USH2A: variants seen among roughly 807,000 people sequenced by gnomAD.
The protein encoded by USH2A is Usher syndrome 2A (autosomal recessive, mild).
USH2A carries 443 observed loss-of-function variants against 538.9 expected under a neutral mutation model. That is an observed-to-expected ratio of 0.82 (90% CI 0.76 to 0.89). USH2A has a LOEUF of 0.89. Among genes scored for constraint, USH2A ranks in the 40% least tolerant of loss-of-function variants. The pLI is 0.00. For missense variants in USH2A, 6,633 were observed against 6,324.8 expected, an observed-to-expected ratio of 1.05 and a Z score of -1.65; for synonymous variants, 2,413 against 2,273.5, an observed-to-expected ratio of 1.06 and a Z score of -1.75.
At chr1:215,798,487 A>C (rs1187993603) in intron 50 of USH2A, among the ~76,000 whole-genome samples, 1 of 152,218 alleles carries the variant, frequency 6.6e-6, no homozygotes, top group Non-Finnish European at 1.5e-5. Flanking sequence ...ATATTGGCAC[A>C]GTGTCTGTTA....
At chr1:216,230,705 A>G (rs2102518415) in intron 14 of USH2A, among the ~76,000 whole-genome samples, 2 of 152,216 alleles carry the variant, frequency 1.3e-5, no homozygotes, top group South Asian at 4.2e-4. Context: ...GATAATCACA[A>G]ACCCTGAAAT....
intron 35 of USH2A, among the ~76,000 whole-genome samples, chr1:215,980,768 C>G (rs935913550): frequency 2.0e-5 from 3 of 152,174 alleles, no homozygotes; most frequent in African/African-American, 7.2e-5. Context: ...GTGTTCTATA[C>G]ATGTTTTTGA....
At chr1:216,328,939 T>C (rs1354245941) in intron 4 of USH2A, among the ~76,000 whole-genome samples, 1 of 152,164 alleles carries the variant, frequency 6.6e-6, no homozygotes, top group Admixed American at 6.5e-5. Context: ...TAGTGTATTC[T>C]CAGCTGATGT....
intron 11 of USH2A, among the ~76,000 whole-genome samples, chr1:216,260,548 A>G (rs2036351235): frequency 6.6e-6 from 1 of 152,156 alleles, no homozygotes; most frequent in African/African-American, 2.4e-5. Flanking sequence ...CCTGCAATGC[A>G]CATATCCATC....
intron 37 of USH2A, among the ~76,000 whole-genome samples, chr1:215,953,117 A>T (rs1482897177): frequency 2.0e-5 from 3 of 152,108 alleles, no homozygotes; most frequent in African/African-American, 7.2e-5. Context: ...AAGAATCAAT[A>T]TTGTGAAAAT....
intron 20 of USH2A, among the ~76,000 whole-genome samples, chr1:216,188,182 T>C (rs866381596): frequency 6.6e-6 from 1 of 151,312 alleles, no homozygotes; most frequent in Non-Finnish European, 1.5e-5. Flanking sequence ...AGGTACATCA[T>C]CTTTTACGCA....
chr1:215,884,449 G>A (rs1295149672), intron 41 of USH2A, among the ~76,000 whole-genome samples: 1 of 151,934 alleles, frequency 6.6e-6, no homozygotes, highest in Admixed American at 6.6e-5. Context: ...CTATTGCCTG[G>A]GTGTGAATTC....
At chr1:215,881,389 C>A (rs1664904980) in intron 41 of USH2A, among the ~76,000 whole-genome samples, 2 of 152,220 alleles carry the variant, frequency 1.3e-5, no homozygotes, top group African/African-American at 2.4e-5. Flanking sequence ...ATCCACCTGC[C>A]TTTGCCTCCC....
chr1:215,787,978 A>G (rs558422973), intron 51 of USH2A, among the ~76,000 whole-genome samples: 1 of 152,226 alleles, frequency 6.6e-6, no homozygotes, highest in African/African-American at 2.4e-5. Flanking sequence ...TAGCAGGTAG[A>G]GGTTGCAGTG....
chr1:216,297,659 A>C (rs2037133141), intron 9 of USH2A, among the ~76,000 whole-genome samples: 1 of 152,158 alleles, frequency 6.6e-6, no homozygotes, highest in Non-Finnish European at 1.5e-5. Context: ...TAACCATTAA[A>C]AGGTGATTCT....
At chr1:216,353,558 G>A (rs767365257) in intron 4 of USH2A, among the ~76,000 whole-genome samples, 11 of 152,070 alleles carry the variant, frequency 7.2e-5, no homozygotes, top group South Asian at 2.1e-4. Flanking sequence ...TAATTAAAAC[G>A]TCGATGCCTG....
chr1:216,285,264 C>A (rs2036859296), intron 11 of USH2A, among the ~76,000 whole-genome samples: 1 of 152,182 alleles, frequency 6.6e-6, no homozygotes, highest in Non-Finnish European at 1.5e-5. Flanking sequence ...AGTCTAGGGA[C>A]TTGGTGCCGT....
chr1:216,309,078 C>A (rs932225817), intron 9 of USH2A, among the ~76,000 whole-genome samples: 1 of 152,146 alleles, frequency 6.6e-6, no homozygotes, highest in African/African-American at 2.4e-5. Context: ...TCCCATCATG[C>A]CTAGTCTGTT....
chr1:215,787,809 G>A (rs959395452), intron 51 of USH2A, among the ~76,000 whole-genome samples: 26 of 152,084 alleles, frequency 1.7e-4, no homozygotes, highest in African/African-American at 4.1e-4. Context: ...TTTGGGAGGC[G>A]GAGGTGGGTG....
chr1:216,051,268 A>T (rs1311672362), intron 30 of USH2A, among the ~76,000 whole-genome samples: 1 of 152,188 alleles, frequency 6.6e-6, no homozygotes, highest in Non-Finnish European at 1.5e-5. Flanking sequence ...CCACACCTGG[A>T]TGTCCCACTG....
In USH2A at chr1:215,733,524, A is replaced by C. The variant is rs142761167; in HGVS notation, c.11712-5140T>G. On this transcript the variant is annotated intron_variant, in intron 60 of 71. Transcript: ENST00000307340. ...TTTTAACTGATTACAGCATTAACTC[A>C]AAAGCCCCAAGTCTCAAGTACCAAG... is the stretch of plus-strand genomic sequence containing the variant. 3.1e-3 allele frequency among the ~76,000 whole-genome samples: 466 copies of C among 152,344 alleles called. 6 individuals carry two copies. Among genetic ancestry groups the C allele is most frequent in the African/African-American group, 0.01 (433 of 41,586 alleles).
intron 21 of USH2A, among the ~76,000 whole-genome samples, chr1:216,146,499 T>G (rs1017643918): frequency 4.6e-5 from 7 of 152,190 alleles, no homozygotes; most frequent in Non-Finnish European, 8.8e-5. Flanking sequence ...TCCTTCACCC[T>G]TAGCGCCAAG....
In USH2A at chr1:215,746,198, C is replaced by T. The variant is rs1362700358; in HGVS notation, c.11390-2863G>A. 2.6e-5 allele frequency among the ~76,000 whole-genome samples: 4 copies of T among 152,156 alleles called. No homozygotes were observed. In the East Asian group the frequency reaches 7.7e-4, roughly 29 times the overall value. Reference sequence around the variant, plus strand: ...TCTTTATGGGTACTCTGGATTTTTCCCATATCCTAAAGATGTTTCCATTAA... The same window carrying T: ...TCTTTATGGGTACTCTGGATTTTTCTCATATCCTAAAGATGTTTCCATTAA... On this transcript the variant is annotated intron_variant, in intron 58 of 71. Transcript: ENST00000307340.
At chr1:216,390,016 A>G (rs2039078168) in intron 3 of USH2A, among the ~76,000 whole-genome samples, 1 of 26,548 alleles carries the variant, frequency 3.8e-5, no homozygotes, top group South Asian at 2.1e-3. Flanking sequence ...TCAGTTTTAA[A>G]AGACAGTAAG....
Sources: allele counts gnomAD v4.1 joint callset (sites outside exome capture counted in the v4.1 genomes callset), GRCh38; gene constraint gnomAD v4.1.1; transcripts MANE v1.5; gene names NCBI Gene and HGNC (gene_info 2026-07-23, HGNC 2026-07-21).